Variants in GPC5 observed in about 807,000 individuals in gnomAD.
The protein encoded by GPC5 is glypican-5.
Under a neutral mutation model 53.9 loss-of-function variants are expected in GPC5, and 47 were observed. The ratio of observed to expected loss-of-function variants is 0.87; its 90% confidence interval spans 0.69 to 1.11. GPC5 has a LOEUF of 1.11. Among genes scored for constraint, GPC5 ranks in the 50% most tolerant of loss-of-function variants. The pLI, the probability that GPC5 is intolerant of heterozygous loss-of-function variation, is 0.00. For missense variants in GPC5, 748 were observed against 713.1 expected (o/e 1.05, Z -0.56); for synonymous variants, 286 against 263.3 (o/e 1.09, Z -0.84).
chr13:92,863,476 C>T (rs1026577427), intron 7 of GPC5, among the ~76,000 whole-genome samples: 1 of 152,162 alleles, frequency 6.6e-6, no homozygotes, highest in Non-Finnish European at 1.5e-5. Flanking sequence ...TAGCAGAGCA[C>T]TCCCTGACCA....
At chr13:91,712,455 T>C (rs1290426541) in intron 3 of GPC5, among the ~76,000 whole-genome samples, 1 of 152,058 alleles carries the variant, frequency 6.6e-6, no homozygotes, top group Admixed American at 6.6e-5. Context: ...TGGGTGAAAG[T>C]ATGAATCATA....
At chr13:91,650,218 T>C (rs750957869) in intron 2 of GPC5, among the ~76,000 whole-genome samples, 6 of 152,188 alleles carry the variant, frequency 3.9e-5, no homozygotes, top group Non-Finnish European at 7.3e-5. Flanking sequence ...AATGAAGATA[T>C]AGTACTAATA....
In GPC5 at chr13:92,452,690, C is replaced by T. The variant is rs530343105; in HGVS notation, c.1561+307701C>T. 1.1e-3 allele frequency among the ~76,000 whole-genome samples: 166 copies of T among 152,254 alleles called. 1 individual carries two copies. The highest frequency in any genetic ancestry group is 3.4e-3 in the Middle Eastern group (1 of 294). On this transcript the variant is annotated intron_variant, in intron 7 of 7. Coordinates refer to ENST00000377067, the MANE Select transcript of GPC5 (RefSeq NM_004466.6). ...TCAAGTGATTCTCCTACCTCAGCCT[C>T]CCTAGTATCTGGGATTATAGGCACA...
rs141211586 is a variant in GPC5 at position 91,451,233 on chromosome 13, A to G, written c.325+2311A>G. Among the ~76,000 whole-genome samples the G allele has an allele frequency of 1.3e-3, 201 of 152,336 alleles. 1 individual carries two copies. The highest frequency in any genetic ancestry group is 4.6e-3 in the African/African-American group (193 of 41,586). On this transcript the variant is annotated intron_variant, in intron 2 of 7. Coordinates refer to ENST00000377067, the MANE Select transcript of GPC5 (RefSeq NM_004466.6). Reference sequence around the variant, plus strand: ...TGATTTTTTAGTTTTCAAATAGTTCATTTATATTTCCTAGTTCAACAATAT... The same window carrying G: ...TGATTTTTTAGTTTTCAAATAGTTCGTTTATATTTCCTAGTTCAACAATAT...
At chr13:91,629,601 C>G (rs140176217) in intron 2 of GPC5, among the ~76,000 whole-genome samples, 44 of 152,124 alleles carry the variant, frequency 2.9e-4, no homozygotes, top group African/African-American at 9.6e-4. Context: ...AGAGATCACG[C>G]TATTACACTC....
At chr13:92,201,704 C>T (rs2042296412) in intron 7 of GPC5, among the ~76,000 whole-genome samples, 1 of 152,008 alleles carries the variant, frequency 6.6e-6, no homozygotes, top group South Asian at 2.1e-4. Context: ...GGGGAGATTG[C>T]TAGATGTCTT....
At chr13:92,399,953 G>A (rs180964628) in intron 7 of GPC5, among the ~76,000 whole-genome samples, 3 of 152,272 alleles carry the variant, frequency 2.0e-5, no homozygotes, top group African/African-American at 7.2e-5. Flanking sequence ...GTGGTTGACT[G>A]ACTGTAGGCT....
chr13:92,460,697 T>C (rs1878443820), intron 7 of GPC5, among the ~76,000 whole-genome samples: 1 of 152,284 alleles, frequency 6.6e-6, no homozygotes, highest in Admixed American at 6.5e-5. Context: ...GAAGGTCAAG[T>C]TGAACTCAGT....
intron 7 of GPC5, among the ~76,000 whole-genome samples, chr13:92,166,943 C>CTCTCTCTCTA (rs1555315960): frequency 2.1e-4 from 24 of 112,156 alleles, no homozygotes; most frequent in African/African-American, 8.2e-4. Flanking sequence ...CTCTCTCTCT[C>CTCTCTCTCTA]TCTCTCTCTC....
At chr13:91,835,609 T>C (rs2038714676) in intron 5 of GPC5, among the ~76,000 whole-genome samples, 1 of 152,046 alleles carries the variant, frequency 6.6e-6, no homozygotes, top group African/African-American at 2.4e-5. Flanking sequence ...CTGGAAACCA[T>C]CATTCTCAGC....
intron 6 of GPC5, among the ~76,000 whole-genome samples, chr13:92,014,218 T>C (rs2040687343): frequency 6.6e-6 from 1 of 152,214 alleles, no homozygotes; most frequent in East Asian, 1.9e-4. Context: ...ATGCTGACTA[T>C]AGATACAAAA....
At chr13:92,321,793 T>G (rs74685588) in intron 7 of GPC5, among the ~76,000 whole-genome samples, 2,029 of 152,322 alleles carry the variant, frequency 0.013, 29 homozygotes, top group South Asian at 0.025. Flanking sequence ...ACATGTTCAT[T>G]GCATTTATTT....
At chr13:92,542,653 C>T (rs935254466) in intron 7 of GPC5, among the ~76,000 whole-genome samples, 4 of 152,010 alleles carry the variant, frequency 2.6e-5, no homozygotes, top group South Asian at 2.1e-4. Context: ...CTCACTTGCG[C>T]GTTTCTTGTA....
rs9561123 is a variant in GPC5, at chr13:92,703,056, T to A, written c.1562-163226T>A. 4.3e-3 allele frequency among the ~76,000 whole-genome samples: 263 copies of A among 61,692 alleles called. No individual in the cohort carries two copies. In the East Asian group the frequency reaches 0.059, roughly 14 times the overall value. 40.5% of individuals were successfully genotyped at this position (61,692 alleles called of 152,430 possible). On this transcript the variant is annotated intron_variant, in intron 7 of 7. Coordinates refer to ENST00000377067, the MANE Select transcript of GPC5 (RefSeq NM_004466.6). ...CCCTATACCTGGCATATATATATAT[T>A]TATTTATTTATTTATTTATTTATTT... is the stretch of plus-strand genomic sequence containing the variant.
chr13:92,144,428 G>A (rs148250875), intron 6 of GPC5, among the ~76,000 whole-genome samples: 87 of 152,232 alleles, frequency 5.7e-4, no homozygotes, highest in African/African-American at 1.9e-3. Context: ...TCAGAAATAC[G>A]GAGTGTGGGT....
chr13:92,522,211 G>T (rs78379389), intron 7 of GPC5, among the ~76,000 whole-genome samples: 2 of 152,038 alleles, frequency 1.3e-5, no homozygotes, highest in Admixed American at 1.3e-4. Context: ...ACAGTGTGGC[G>T]ATTCCTCAGG....
At chr13:91,423,234 T>C (rs1052101539) in intron 1 of GPC5, among the ~76,000 whole-genome samples, 2 of 152,206 alleles carry the variant, frequency 1.3e-5, no homozygotes, top group African/African-American at 2.4e-5. Context: ...ACTGGTTAAG[T>C]GCATGAGTTT....
chr13:92,369,958 CATT>C (rs1416810389), intron 7 of GPC5, among the ~76,000 whole-genome samples: 13 of 152,174 alleles, frequency 8.5e-5, no homozygotes, highest in African/African-American at 3.1e-4. Flanking sequence ...TGATTCATCT[CATT>C]AGTGTTTTTA....
chr13:91,673,708 G>T (rs191223467), intron 2 of GPC5, among the ~76,000 whole-genome samples: 1 of 152,024 alleles, frequency 6.6e-6, no homozygotes, highest in Non-Finnish European at 1.5e-5. Flanking sequence ...CTGCCCATGA[G>T]ACTTATTGAT....
Sources: gnomAD v4.1 joint callset for allele counts (sites outside exome capture counted in the v4.1 genomes callset) on GRCh38, gnomAD v4.1.1 for gene constraint, MANE v1.5 for transcripts, NCBI Gene and HGNC (gene_info 2026-07-23, HGNC 2026-07-21) for gene names.